The following CNNM2 variants were observed in gnomAD, a reference collection of about 807,000 sequenced individuals.
CNNM2 encodes the protein metal transporter CNNM2.
CNNM2 carries 12 observed loss-of-function variants against 66.9 expected under a neutral mutation model. The observed-to-expected ratio is 0.18, with a 90% confidence interval of 0.11 to 0.29. CNNM2 has a LOEUF of 0.29. Ranked by LOEUF, CNNM2 falls within the 10% of genes least tolerant of loss-of-function variation. The probability of loss-of-function intolerance (pLI) is 1.00; values close to 1 mark genes in which losing one functional copy is unlikely to be tolerated. For synonymous variants in CNNM2, 557 were observed against 501.8 expected, an observed-to-expected ratio of 1.11 and a Z score of -1.47; for missense variants, 705 against 1,167.7, an observed-to-expected ratio of 0.60 and a Z score of 5.77.
chr10:103,089,574 C>G lies in CNNM2; in HGVS notation c.*12394C>G. On this transcript the variant is annotated 3_prime_UTR_variant, in exon 8 of 8. Coordinates refer to ENST00000369878, the MANE Select transcript of CNNM2 (RefSeq NM_017649.5). ...TCAGACGTACCTTTCATGGAGCCCCCTCCCTCCCCCGAGTAGAACCCTAAC... is the reference window on the plus strand; with the variant it reads ...TCAGACGTACCTTTCATGGAGCCCCGTCCCTCCCCCGAGTAGAACCCTAAC... 1 of 1,429,298 alleles carries G rather than the reference C, an allele frequency of 7.0e-7. No individual in the cohort carries two copies. The allele number at this position is 1,429,298 out of a possible 1,614,324, so 88.5% of individuals were successfully genotyped here. A position where few individuals can be genotyped will look rare whatever the true frequency, so the allele number is the denominator to read the frequency against.
rs1021385515 is a variant in CNNM2, at chr10:103,087,374, G to A, written c.*10194G>A. ...ATGGAATCCTAGAGCTCTTGAATAC[G>A]TTTTGGTGGTCCTACGGAGAGCTGT... is the stretch of plus-strand genomic sequence containing the variant. On this transcript the variant is annotated 3_prime_UTR_variant, in exon 8 of 8. Transcript: ENST00000369878. 7 of 151,888 alleles carry A rather than the reference G, an allele frequency of 4.6e-5. No individual in the cohort carries two copies. Among genetic ancestry groups the A allele is most frequent in the African/African-American group, 1.7e-4 (7 of 41,320 alleles). The allele number at this position is 151,888 out of a possible 1,614,324, so 9.4% of individuals were successfully genotyped here. A position where few individuals can be genotyped will look rare whatever the true frequency, so the allele number is the denominator to read the frequency against.
chr10:102,920,587 T>G (rs1341194279), intron 1 of CNNM2, among the ~76,000 whole-genome samples: 3 of 152,174 alleles, frequency 2.0e-5, no homozygotes, highest in African/African-American at 4.8e-5. Context: ...CACACTGGCC[T>G]TTCAAAGATC....
chr10:102,939,359 C>T (rs1164807477), intron 1 of CNNM2, among the ~76,000 whole-genome samples: 1 of 152,146 alleles, frequency 6.6e-6, no homozygotes, highest in Non-Finnish European at 1.5e-5. Context: ...TTTTCCTTGC[C>T]ATCTTTAATC....
At chr10:103,005,300 T>C (rs1242471715) in intron 1 of CNNM2, among the ~76,000 whole-genome samples, 1 of 152,156 alleles carries the variant, frequency 6.6e-6, no homozygotes, top group Non-Finnish European at 1.5e-5. Flanking sequence ...TTGATACTAT[T>C]GTCAATGATT....
Position 103,049,727 on chromosome 10 carries a change from G to T in CNNM2, c.1642G>T (p.Val548Leu). Residue 548 changes from valine to leucine, a missense_variant, in exon 2 of 8, where the codon GTG (valine) becomes TTG (leucine). Coordinates refer to ENST00000369878, the MANE Select transcript of CNNM2 (RefSeq NM_017649.5). ...TAAAGGTAAATCTCACCTGGCTATC[G>T]TGCAGCGGGTAAACAATGAGGGAGA... ...FKKGKSHLAI[V>L]QRVNNEGEGD... is the part of the protein sequence containing the mutation. 1 of 1,613,752 alleles carries T rather than the reference G, an allele frequency of 6.2e-7. No individual in the cohort carries two copies. The highest frequency in any genetic ancestry group is 8.5e-7 in the Non-Finnish European group (1 of 1,179,792).
chr10:103,030,156 C>T (rs577389519), intron 1 of CNNM2, among the ~76,000 whole-genome samples: 1 of 152,102 alleles, frequency 6.6e-6, no homozygotes, highest in African/African-American at 2.4e-5. Flanking sequence ...ATGGAATGAG[C>T]AAAGCTATGG....
At chr10:103,056,391 G>T (rs916460758) in intron 3 of CNNM2, among the ~76,000 whole-genome samples, 2 of 152,142 alleles carry the variant, frequency 1.3e-5, no homozygotes, top group African/African-American at 2.4e-5. Flanking sequence ...GTGTGTGTGC[G>T]CTGGCACTAA....
chr10:103,071,365 G>A (rs1188183726), intron 5 of CNNM2, among the ~76,000 whole-genome samples: 1 of 152,240 alleles, frequency 6.6e-6, no homozygotes, highest in Admixed American at 6.5e-5. Flanking sequence ...GGGAGCTGTA[G>A]GCTGTGCAGT....
chr10:102,944,581 C>CATGTGT (rs3223619), intron 1 of CNNM2, among the ~76,000 whole-genome samples: 1 of 143,380 alleles, frequency 7.0e-6, no homozygotes, highest in Non-Finnish European at 1.5e-5. Flanking sequence ...TGTATCTTTT[C>CATGTGT]GTGTGTGTGT....
Position 102,920,109 on chromosome 10 carries a change from A to G in CNNM2, c.1621+8A>G. On this transcript the variant is annotated splice_region_variant and intron_variant, in intron 1 of 7. Transcript: ENST00000369878. ...TGGAAGAATTTAAGAAAGGTGGGAA[A>G]TTTTGGTCTCTTTCATTGGCTTGCT... 1 of 1,614,146 alleles carries G rather than the reference A, an allele frequency of 6.2e-7. No individual in the cohort carries two copies. Among genetic ancestry groups the G allele is most frequent in the African/African-American group, 1.3e-5 (1 of 75,020 alleles).
chr10:102,927,575 C>A, intron 1 of CNNM2: 1 of 939,416 alleles, frequency 1.1e-6, no homozygotes, highest in Non-Finnish European at 1.5e-6. Flanking sequence ...ACAGTCTGGC[C>A]ACCATGGTGA....
intron 1 of CNNM2, among the ~76,000 whole-genome samples, chr10:103,003,629 G>T (rs1357176723): frequency 6.6e-6 from 1 of 151,864 alleles, no homozygotes; most frequent in Non-Finnish European, 1.5e-5. Context: ...TTTGAGACCA[G>T]CCTGGCTAAC....
intron 1 of CNNM2, among the ~76,000 whole-genome samples, chr10:102,991,409 A>G (rs543529988): frequency 8.5e-5 from 13 of 152,250 alleles, no homozygotes; most frequent in Middle Eastern, 6.8e-3. Flanking sequence ...GATTAAAAGG[A>G]TATTTATTTT....
chr10:102,930,115 A>T (rs1256146162), intron 1 of CNNM2, among the ~76,000 whole-genome samples: 1 of 152,184 alleles, frequency 6.6e-6, no homozygotes, highest in African/African-American at 2.4e-5. Context: ...AACAGTGAAA[A>T]ATTGGAAGTA....
At chr10:102,988,439 A>G (rs186304127) in intron 1 of CNNM2, among the ~76,000 whole-genome samples, 1 of 152,304 alleles carries the variant, frequency 6.6e-6, no homozygotes, top group Non-Finnish European at 1.5e-5. Flanking sequence ...TGACACAGAT[A>G]CTACAAAAGT....
At position 103,077,220 on chromosome 10, in the gene CNNM2, G is replaced by A. The variant is rs750936813; in HGVS notation, c.*40G>A. Reference sequence around the variant, plus strand: ...ACCCGCCCAGGCCCGCACCCGCCCAGTCCCGAGGGCCCGGCCCTGTCTGCC... The same window carrying A: ...ACCCGCCCAGGCCCGCACCCGCCCAATCCCGAGGGCCCGGCCCTGTCTGCC... On this transcript the variant is annotated 3_prime_UTR_variant, in exon 8 of 8. Coordinates refer to ENST00000369878, the MANE Select transcript of CNNM2 (RefSeq NM_017649.5). 88 of 1,579,518 alleles carry A rather than the reference G, an allele frequency of 5.6e-5. No homozygotes were observed. Among genetic ancestry groups the A allele is most frequent in the Non-Finnish European group, 7.2e-5 (83 of 1,156,034 alleles).
chr10:103,073,868 C>CAAAAAAAAAAAAA (rs61331007), intron 6 of CNNM2, among the ~76,000 whole-genome samples: 1 of 70,242 alleles, frequency 1.4e-5, no homozygotes, highest in East Asian at 4.9e-4. Flanking sequence ...GACTCCGTCT[C>CAAAAAAAAAAAAA]AAAAAAAAAA....
intron 1 of CNNM2, among the ~76,000 whole-genome samples, chr10:102,982,669 T>C (rs1238041157): frequency 6.6e-6 from 1 of 152,140 alleles, no homozygotes; most frequent in Non-Finnish European, 1.5e-5. Flanking sequence ...TTTTCATGAG[T>C]GTATTAATTT....
At chr10:102,955,779 C>T (rs1431254080) in intron 1 of CNNM2, among the ~76,000 whole-genome samples, 4 of 152,234 alleles carry the variant, frequency 2.6e-5, no homozygotes, top group African/African-American at 2.4e-5. Context: ...AAAAAATGCT[C>T]ATCATCACTG....
Sources: gnomAD v4.1 joint callset for allele counts (sites outside exome capture counted in the v4.1 genomes callset) on GRCh38, gnomAD v4.1.1 for gene constraint, MANE v1.5 for transcripts, NCBI Gene and HGNC (gene_info 2026-07-23, HGNC 2026-07-21) for gene names.